Variants in KCNAB1 observed in about 807,000 individuals in gnomAD.
KCNAB1 encodes the protein voltage-gated potassium channel subunit beta-1.
A neutral mutation model predicts 64.6 loss-of-function variants in KCNAB1; 35 were observed. That is an observed-to-expected ratio of 0.54 (90% CI 0.41 to 0.72). KCNAB1 has a LOEUF of 0.72. KCNAB1 is among the 30% of genes least tolerant of loss of function. The pLI is 0.00. For synonymous variants in KCNAB1, 177 were observed against 183.8 expected (o/e 0.96, Z 0.30); for missense variants, 401 against 512.9 (o/e 0.78, Z 2.11).
intron 1 of KCNAB1, among the ~76,000 whole-genome samples, chr3:156,170,369 C>T (rs1711888058): frequency 6.6e-6 from 1 of 152,116 alleles, no homozygotes; most frequent in Admixed American, 6.6e-5. Context: ...ATTTCTGTTG[C>T]AAAGTATGCT....
chr3:156,501,396 A>C (rs948310006), intron 8 of KCNAB1, among the ~76,000 whole-genome samples: 4 of 151,248 alleles, frequency 2.6e-5, no homozygotes, highest in African/African-American at 9.7e-5. Context: ...ATATATCCTA[A>C]GTCCATGGAC....
At chr3:156,342,188 A>G (rs897226949) in intron 1 of KCNAB1, among the ~76,000 whole-genome samples, 5 of 152,190 alleles carry the variant, frequency 3.3e-5, no homozygotes, top group African/African-American at 1.2e-4. Context: ...ACTTCCTTTC[A>G]CTTCTGCATT....
intron 1 of KCNAB1, among the ~76,000 whole-genome samples, chr3:156,203,689 T>C (rs1016065685): frequency 2.6e-5 from 4 of 152,264 alleles, no homozygotes; most frequent in Non-Finnish European, 2.9e-5. Context: ...GTTTGTTTTC[T>C]GCAGTACCCA....
At chr3:156,171,989 T>TCA (rs763737248) in intron 1 of KCNAB1, among the ~76,000 whole-genome samples, 9 of 152,222 alleles carry the variant, frequency 5.9e-5, no homozygotes, top group Admixed American at 2.6e-4. Context: ...AGAAATCTTA[T>TCA]CACACACACC....
chr3:156,377,341 G>A (rs1711753794), intron 1 of KCNAB1, among the ~76,000 whole-genome samples: 1 of 152,152 alleles, frequency 6.6e-6, no homozygotes, highest in South Asian at 2.1e-4. Flanking sequence ...TGAGTTAGAG[G>A]AGGGATGAGC....
intron 2 of KCNAB1, among the ~76,000 whole-genome samples, chr3:156,440,981 G>T (rs1254506386): frequency 6.6e-6 from 1 of 151,976 alleles, no homozygotes; most frequent in Non-Finnish European, 1.5e-5. Context: ...TAGTCAAAAA[G>T]TACATGAATC....
At chr3:156,478,127 A>G (rs1373189326) in intron 8 of KCNAB1, among the ~76,000 whole-genome samples, 3 of 152,188 alleles carry the variant, frequency 2.0e-5, no homozygotes, top group Non-Finnish European at 4.4e-5. Context: ...ATGTGGTGAA[A>G]AAATCATCAC....
At chr3:156,238,464 A>G (rs1716986452) in intron 1 of KCNAB1, among the ~76,000 whole-genome samples, 1 of 150,702 alleles carries the variant, frequency 6.6e-6, no homozygotes, top group Admixed American at 6.6e-5. Flanking sequence ...TAACAAGCCC[A>G]GAGAGATCTT....
chr3:156,469,348 C>T (rs1171751957), intron 7 of KCNAB1, among the ~76,000 whole-genome samples: 1 of 149,712 alleles, frequency 6.7e-6, no homozygotes, highest in African/African-American at 2.5e-5. Context: ...CCTCCGCCTC[C>T]AGGGTTCAAG....
chr3:156,284,235 G>T (rs1018797068), intron 1 of KCNAB1, among the ~76,000 whole-genome samples: 4 of 152,156 alleles, frequency 2.6e-5, no homozygotes, highest in African/African-American at 4.8e-5. Context: ...CGTGTGAGGT[G>T]TCAGTGTGCC....
Position 156,478,653 on chromosome 3 carries a change from A to C in KCNAB1, c.658+3833A>C, listed in dbSNP as rs1158418443. On this transcript the variant is annotated intron_variant, in intron 8 of 13. Transcript: ENST00000490337. ...TTTAAACAACTTCCATTTAAATATT[A>C]TTAAAATGCCAATTGTATTCATGTG... Among the ~76,000 whole-genome samples the C allele has an allele frequency of 2.6e-5, 4 of 152,230 alleles. No homozygotes were observed. In the South Asian group the frequency reaches 8.3e-4, roughly 31 times the overall value.
At chr3:156,464,915 C>T (rs762737434) in intron 6 of KCNAB1, among the ~76,000 whole-genome samples, 9 of 152,126 alleles carry the variant, frequency 5.9e-5, no homozygotes, top group Admixed American at 5.9e-4. Context: ...TAGTAGAATA[C>T]TACCTACGGT....
At position 156,329,521 on chromosome 3, in the gene KCNAB1, G is replaced by T. The variant is rs530149038; in HGVS notation, c.276-92095G>T. Among the ~76,000 whole-genome samples, 17 of 152,222 alleles carry T rather than the reference G, an allele frequency of 1.1e-4. No homozygotes were observed. The South Asian group carries it at 3.5e-3, about 32-fold the overall frequency. ...CACCAGTGGCATGAGATGGGAATAG[G>T]TTGGATAGTAGATTAGGAATGACTA... On this transcript the variant is annotated intron_variant, in intron 1 of 13. Coordinates refer to ENST00000490337, the MANE Select transcript of KCNAB1 (RefSeq NM_172160.3).
At chr3:156,235,306 G>A (rs1716781647) in intron 1 of KCNAB1, among the ~76,000 whole-genome samples, 1 of 152,224 alleles carries the variant, frequency 6.6e-6, no homozygotes, top group African/African-American at 2.4e-5. Flanking sequence ...CACAACCATG[G>A]TTCTTCCTTC....
intron 7 of KCNAB1, among the ~76,000 whole-genome samples, chr3:156,470,408 C>T (rs796891910): frequency 4.5e-4 from 69 of 152,300 alleles, no homozygotes; most frequent in African/African-American, 1.6e-3. Flanking sequence ...GTAATCCCAA[C>T]GATTTGGGAG....
At chr3:156,474,922 T>C in intron 8 of KCNAB1, 102 bp downstream of exon 8, 1 of 946,644 alleles carries the variant, frequency 1.1e-6, no homozygotes, top group Non-Finnish European at 1.7e-6. Flanking sequence ...CTGATCAAAC[T>C]GAATGTGAAA....
intron 1 of KCNAB1, among the ~76,000 whole-genome samples, chr3:156,210,182 G>A (rs1241316103): frequency 3.3e-5 from 5 of 152,162 alleles, no homozygotes; most frequent in Non-Finnish European, 7.4e-5. Flanking sequence ...GGCATGGGCA[G>A]CTCGCTGACC....
intron 1 of KCNAB1, among the ~76,000 whole-genome samples, chr3:156,219,038 C>A (rs886526845): frequency 2.6e-5 from 4 of 151,212 alleles, no homozygotes; most frequent in Non-Finnish European, 4.4e-5. Context: ...GGTAATATGA[C>A]AAAACAAGGA....
intron 1 of KCNAB1, among the ~76,000 whole-genome samples, chr3:156,360,336 T>A (rs1256084930): frequency 6.6e-6 from 1 of 152,146 alleles, no homozygotes; most frequent in East Asian, 1.9e-4. Context: ...TGACTCACCA[T>A]CCCAACCTAG....
Sources: gnomAD v4.1 joint callset for allele counts (sites outside exome capture counted in the v4.1 genomes callset) on GRCh38, gnomAD v4.1.1 for gene constraint, MANE v1.5 for transcripts, NCBI Gene and HGNC (gene_info 2026-07-23, HGNC 2026-07-21) for gene names.